Variants in SMOC1 observed in about 807,000 individuals in gnomAD.
The protein encoded by SMOC1 is SPARC related modular calcium binding 1.
Under a neutral mutation model 56.3 loss-of-function variants are expected in SMOC1, and 22 were observed. That is an observed-to-expected ratio of 0.39 (90% CI 0.28 to 0.56). The LOEUF is 0.56. Ranked by LOEUF, SMOC1 falls within the 20% of genes least tolerant of loss-of-function variation. The pLI, the probability that SMOC1 is intolerant of heterozygous loss-of-function variation, is 0.61. For synonymous variants in SMOC1, 193 were observed against 215.0 expected, an observed-to-expected ratio of 0.90 and a Z score of 0.89; for missense variants, 509 against 565.4, an observed-to-expected ratio of 0.90 and a Z score of 1.01.
chr14:69,925,378 G>A (rs1049083703), intron 1 of SMOC1, among the ~76,000 whole-genome samples: 27 of 151,930 alleles, frequency 1.8e-4, no homozygotes, highest in Admixed American at 1.5e-3. Flanking sequence ...GAGGAACCAT[G>A]ATTGTCCCTA....
intron 1 of SMOC1, among the ~76,000 whole-genome samples, chr14:69,917,909 A>C (rs1852280699): frequency 6.6e-6 from 1 of 152,124 alleles, no homozygotes; most frequent in African/African-American, 2.4e-5. Context: ...AATGGGAGGC[A>C]ACACACAGTG....
chr14:70,023,315 T>C lies in SMOC1; in HGVS notation c.1159T>C (p.Phe387Leu). 6.2e-7 allele frequency: 1 copy of C among 1,614,126 alleles called. No individual in the cohort carries two copies. The stretch of plus-strand genomic sequence containing the variant: ...CATTAACAAGCGGGAGATGAAGCCC[T>C]TCAAGCGCTACGTGAAGAAGAAAGC... ...NDINKREMKP[F>L]KRYVKKKAKP... Residue 387 changes from phenylalanine (F) to leucine (L), a missense_variant, in exon 11 of 12, where the codon TTC (phenylalanine) becomes CTC (leucine). Coordinates refer to ENST00000361956, the MANE Select transcript of SMOC1 (RefSeq NM_001034852.3).
intron 1 of SMOC1, among the ~76,000 whole-genome samples, chr14:69,938,008 T>A (rs988081487): frequency 2.0e-5 from 3 of 152,180 alleles, no homozygotes; most frequent in Admixed American, 1.3e-4. Flanking sequence ...AGGGAGTGGA[T>A]TTCCTCAAGT....
chr14:69,995,470 G>A (rs1003877082), intron 7 of SMOC1, among the ~76,000 whole-genome samples: 7 of 152,224 alleles, frequency 4.6e-5, no homozygotes, highest in Admixed American at 2.0e-4. Context: ...TTGGAGATAT[G>A]GGATGGTGGA....
chr14:69,914,362 T>C (rs570067934), intron 1 of SMOC1, among the ~76,000 whole-genome samples: 2 of 152,308 alleles, frequency 1.3e-5, no homozygotes, highest in African/African-American at 4.8e-5. Flanking sequence ...CATAGCTAAG[T>C]TATAAAGTAA....
intron 7 of SMOC1, among the ~76,000 whole-genome samples, chr14:70,004,811 G>A (rs1340670401): frequency 5.9e-5 from 9 of 151,900 alleles, no homozygotes; most frequent in Admixed American, 2.0e-4. Context: ...ATACATATAC[G>A]CCTGTCTCTG....
intron 4 of SMOC1, 53 bp downstream of exon 4, chr14:69,975,867 G>A (rs997134072): frequency 4.9e-5 from 65 of 1,331,950 alleles, no homozygotes; most frequent in Non-Finnish European, 6.7e-5. Context: ...AGACCCGTTG[G>A]TTGGTCTCCT....
intron 1 of SMOC1, among the ~76,000 whole-genome samples, chr14:69,923,284 C>T (rs1468540966): frequency 6.6e-6 from 1 of 152,174 alleles, no homozygotes. Context: ...AAGCTCCCTC[C>T]CTGGCTCTCA....
intron 1 of SMOC1, among the ~76,000 whole-genome samples, chr14:69,922,766 G>GGT (rs1292553775): frequency 6.6e-6 from 1 of 151,810 alleles, no homozygotes; most frequent in Non-Finnish European, 1.5e-5. Flanking sequence ...GTGTGTGTGT[G>GGT]GTGTGTGTGT....
chr14:69,909,518 A>G (rs1295832), intron 1 of SMOC1, among the ~76,000 whole-genome samples: 143,685 of 152,278 alleles, frequency 0.94, 68,328 homozygotes, highest in South Asian at 1. Flanking sequence ...ATGGCCAGGA[A>G]ACAGCTTTAA....
intron 7 of SMOC1, among the ~76,000 whole-genome samples, chr14:70,006,682 G>A (rs2139578441): frequency 6.6e-6 from 1 of 152,342 alleles, no homozygotes; most frequent in African/African-American, 2.4e-5. Flanking sequence ...CCGGATACTT[G>A]TTTTGCCTGA....
intron 3 of SMOC1, among the ~76,000 whole-genome samples, chr14:69,964,206 A>G (rs543103791): frequency 6.0e-5 from 9 of 149,070 alleles, no homozygotes; most frequent in Admixed American, 2.7e-4. Flanking sequence ...CAATTTGTCT[A>G]TTGTGGAAAT....
At position 70,011,475 on chromosome 14, in the gene SMOC1, C is replaced by A; in HGVS notation, c.858-10C>A. On this transcript the variant is annotated splice_polypyrimidine_tract_variant and intron_variant, in intron 8 of 11. Coordinates refer to ENST00000361956, the MANE Select transcript of SMOC1 (RefSeq NM_001034852.3). Reference sequence around the variant, plus strand: ...CCCTCCCAACCCCCCCCATATCTCTCTTTTCCCAGCTACGTGATGCCCAGT... The same window carrying A: ...CCCTCCCAACCCCCCCCATATCTCTATTTTCCCAGCTACGTGATGCCCAGT... 9.5e-7 allele frequency: 1 copy of A among 1,050,320 alleles called. No homozygotes were observed. The highest frequency in any genetic ancestry group is 1.4e-6 in the Non-Finnish European group (1 of 708,712). 65.1% of individuals were successfully genotyped at this position (1,050,320 alleles called of 1,614,324 possible). A position where few individuals can be genotyped will look rare whatever the true frequency, so the allele number is the denominator to read the frequency against.
chr14:70,023,590 A>C (rs1885814469), intron 11 of SMOC1, 143 bp downstream of exon 11: 1 of 1,255,988 alleles, frequency 8.0e-7, no homozygotes, highest in African/African-American at 1.5e-5. Context: ...TTCATGCTAG[A>C]TGTTTGAGAC....
chr14:70,008,330 T>A (rs7157226), intron 7 of SMOC1, among the ~76,000 whole-genome samples: 1 of 151,974 alleles, frequency 6.6e-6, no homozygotes, highest in African/African-American at 2.4e-5. Context: ...TGTAAAGACA[T>A]AGTCTTGCTA....
intron 11 of SMOC1, among the ~76,000 whole-genome samples, chr14:70,025,308 A>G (rs145713263): frequency 5.6e-4 from 86 of 152,308 alleles, no homozygotes; most frequent in African/African-American, 1.9e-3. Context: ...CTTGTTCCTC[A>G]GTTGTCAGAG....
At chr14:69,980,777 A>G (rs1296008781) in intron 5 of SMOC1, among the ~76,000 whole-genome samples, 1 of 152,186 alleles carries the variant, frequency 6.6e-6, no homozygotes, top group Non-Finnish European at 1.5e-5. Flanking sequence ...CCTGCTGCAA[A>G]GAGGTGCTGG....
At position 70,011,466 on chromosome 14, in the gene SMOC1, C is replaced by CCCCCA; in HGVS notation, c.858-19_858-18insCCCCA. 6.4e-7 allele frequency: 1 copy of CCCCCA among 1,561,708 alleles called. No individual in the cohort carries two copies. The highest frequency in any genetic ancestry group is 8.8e-7 in the Non-Finnish European group (1 of 1,133,440). ...GTTGCCAGCCCCTCCCAACCCCCCC[C>CCCCCA]ATATCTCTCTTTTCCCAGCTACGTG... On this transcript the variant is annotated intron_variant, in intron 8 of 11. Transcript: ENST00000361956.
At chr14:69,947,816 A>G (rs746022372) in intron 1 of SMOC1, among the ~76,000 whole-genome samples, 32 of 152,236 alleles carry the variant, frequency 2.1e-4, no homozygotes, top group Admixed American at 5.9e-4. Flanking sequence ...AGCCACATGT[A>G]GTTTGTGGCT....
Sources: gnomAD v4.1 joint callset for allele counts (sites outside exome capture counted in the v4.1 genomes callset) on GRCh38, gnomAD v4.1.1 for gene constraint, MANE v1.5 for transcripts, NCBI Gene and HGNC (gene_info 2026-07-23, HGNC 2026-07-21) for gene names.